SAMTOR: variants seen among roughly 807,000 people sequenced by gnomAD.
The protein encoded by SAMTOR is UPF0532 protein C7orf60.
At chr7:112,878,587 A>G in the SAMTOR span, among the ~76,000 whole-genome samples, 1 of 152,142 alleles carries the variant, frequency 6.6e-6, no homozygotes, top group African/African-American at 2.4e-5. Context: ...ACAAACAGGA[A>G]ATTATCCTGG....
chr7:112,917,220 C>CA, the SAMTOR span, among the ~76,000 whole-genome samples: 2 of 152,168 alleles, frequency 1.3e-5, no homozygotes, highest in African/African-American at 4.8e-5. Context: ...GGCAGACTGA[C>CA]ACCTCACACG....
At chr7:112,835,935 G>A in the SAMTOR span, among the ~76,000 whole-genome samples, 2 of 152,080 alleles carry the variant, frequency 1.3e-5, no homozygotes, top group South Asian at 2.1e-4. Context: ...GAACTGTGCC[G>A]TGATGAACGT....
At chr7:112,885,032 C>A in the SAMTOR span, among the ~76,000 whole-genome samples, 1 of 152,324 alleles carries the variant, frequency 6.6e-6, no homozygotes, top group South Asian at 2.1e-4. Context: ...GGCTCAACAC[C>A]ATGTGGAAGC....
the SAMTOR span, among the ~76,000 whole-genome samples, chr7:112,834,734 A>T: frequency 1.3e-5 from 2 of 152,048 alleles, no homozygotes; most frequent in Admixed American, 1.3e-4. Context: ...AGGATTACTG[A>T]AAGCAGGTGA....
the SAMTOR span, among the ~76,000 whole-genome samples, chr7:112,916,524 C>A: frequency 5.3e-5 from 8 of 152,282 alleles, no homozygotes; most frequent in African/African-American, 1.9e-4. Flanking sequence ...AAGCAGAAGA[C>A]AGGTGATTTC....
chr7:112,939,522 G>A, the SAMTOR span: 1 of 1,608,300 alleles, frequency 6.2e-7, no homozygotes, highest in Non-Finnish European at 8.5e-7. Flanking sequence ...CTTTGGAGGA[G>A]GGAAGAGGTG....
the SAMTOR span, among the ~76,000 whole-genome samples, chr7:112,904,772 C>T: frequency 6.6e-6 from 1 of 152,072 alleles, no homozygotes; most frequent in Non-Finnish European, 1.5e-5. Flanking sequence ...AAACAAAAAT[C>T]CAAAGATGAA....
chr7:112,888,096 G>A, the SAMTOR span, among the ~76,000 whole-genome samples: 1 of 152,104 alleles, frequency 6.6e-6, no homozygotes, highest in South Asian at 2.1e-4. Context: ...ACTGCTGTCA[G>A]AACATACTAC....
At chr7:112,849,987 A>C in the SAMTOR span, among the ~76,000 whole-genome samples, 4 of 152,076 alleles carry the variant, frequency 2.6e-5, no homozygotes, top group Non-Finnish European at 5.9e-5. Context: ...TGGGTGGATC[A>C]CCTGAGGTCA....
At chr7:112,854,517 CT>C in the SAMTOR span, among the ~76,000 whole-genome samples, 1 of 152,100 alleles carries the variant, frequency 6.6e-6, no homozygotes, top group African/African-American at 2.4e-5. Context: ...TGATTTATAT[CT>C]GAAAAAAGTT....
chr7:112,882,414 G>A, the SAMTOR span, among the ~76,000 whole-genome samples: 1 of 152,198 alleles, frequency 6.6e-6, no homozygotes, highest in Non-Finnish European at 1.5e-5. Flanking sequence ...GACATTTCCA[G>A]GTGTAGTAGC....
At chr7:112,889,704 A>C in the SAMTOR span, among the ~76,000 whole-genome samples, 1 of 152,184 alleles carries the variant, frequency 6.6e-6, no homozygotes, top group Non-Finnish European at 1.5e-5. Flanking sequence ...TTAGGGCTCA[A>C]ACAAAGGCAA....
the SAMTOR span, among the ~76,000 whole-genome samples, chr7:112,902,429 C>CAAAAAAAAAAAAAAAA: frequency 3.4e-5 from 2 of 58,576 alleles, no homozygotes; most frequent in African/African-American, 7.5e-5. Context: ...AAAAAAAAAA[C>CAAAAAAAAAAAAAAAA]AAAAAAAAAC....
the SAMTOR span, among the ~76,000 whole-genome samples, chr7:112,922,867 C>A: frequency 3.6e-5 from 5 of 140,398 alleles, no homozygotes; most frequent in East Asian, 1.1e-3. Flanking sequence ...CCACCCCGTC[C>A]GGGAGGGAGG....
the SAMTOR span, among the ~76,000 whole-genome samples, chr7:112,925,782 C>A: frequency 7.8e-6 from 1 of 128,648 alleles, no homozygotes; most frequent in Non-Finnish European, 1.6e-5. Context: ...TGACAAGAGC[C>A]AAGCTCTGTC....
At chr7:112,904,880 A>C in the SAMTOR span, among the ~76,000 whole-genome samples, 1 of 152,146 alleles carries the variant, frequency 6.6e-6, no homozygotes, top group Non-Finnish European at 1.5e-5. Context: ...TATCTTTCAT[A>C]TTTTGATATT....
the SAMTOR span, among the ~76,000 whole-genome samples, chr7:112,854,466 A>C: frequency 6.6e-6 from 1 of 152,192 alleles, no homozygotes; most frequent in African/African-American, 2.4e-5. Flanking sequence ...TTAAGCTTTA[A>C]CAAGAAAAGA....
chr7:112,908,974 T>C, the SAMTOR span, among the ~76,000 whole-genome samples: 1 of 152,158 alleles, frequency 6.6e-6, no homozygotes, highest in East Asian at 1.9e-4. Context: ...CTAAATGAAA[T>C]GGTACTCCCA....
the SAMTOR span, chr7:112,832,747 T>C: frequency 9.5e-7 from 1 of 1,051,350 alleles, no homozygotes. Context: ...TATCAGTTCT[T>C]TAACTTTTTG....
Sources: gnomAD v4.1 joint callset for allele counts (sites outside exome capture counted in the v4.1 genomes callset) on GRCh38, gnomAD v4.1.1 for gene constraint, MANE v1.5 for transcripts, NCBI Gene and HGNC (gene_info 2026-07-23, HGNC 2026-07-21) for gene names.